The following PNKP variants were observed in gnomAD, a reference collection of about 807,000 sequenced individuals.
The protein encoded by PNKP is bifunctional polynucleotide phosphatase/kinase.
A neutral mutation model predicts 66.2 loss-of-function variants in PNKP; 82 were observed. That is an observed-to-expected ratio of 1.24 (90% CI 1.04 to 1.49). The LOEUF is 1.49. Ranked by LOEUF, PNKP falls within the 40% of genes most tolerant of loss-of-function variation. The pLI, the probability that PNKP is intolerant of heterozygous loss-of-function variation, is 0.00. For synonymous variants in PNKP, 412 were observed against 298.9 expected, an observed-to-expected ratio of 1.38 and a Z score of -3.90; for missense variants, 907 against 706.8, an observed-to-expected ratio of 1.28 and a Z score of -3.21.
chr19:49,862,397 C>T lies in PNKP; in HGVS notation c.1003G>A (p.Gly335Ser), dbSNP rs768567927. The T allele has an allele frequency of 4.2e-5, 66 of 1,559,340 alleles. No individual in the cohort carries two copies. The highest frequency in any genetic ancestry group is 1.8e-4 in the Middle Eastern group (1 of 5,666). ...GGATCAAAGGCTGGGAGCTCGAAGC[C>T]GGCTGCTGGCCACTTGAGAAAGAAC... is the stretch of plus-strand genomic sequence containing the variant. The part of the protein sequence containing the change: ...EEFFLKWPAA[G>S]FELPAFDPRT... The change falls in exon 11 of 17, where the codon GGC becomes AGC. Residue 335 changes from glycine (G) to serine (S), a missense_variant. By Grantham distance (56) the Gly-to-Ser change is moderately conservative. Transcript: ENST00000322344.
At chr19:49,861,394 G>C in intron 16 of PNKP, 29 bp from the exon 17 acceptor site, 1 of 1,613,882 alleles carries the variant, frequency 6.2e-7, no homozygotes, top group Non-Finnish European at 8.5e-7. Context: ...GTGAGGGACA[G>C]CCTGGATCAT....
At chr19:49,867,370 G>C in intron 1 of PNKP, 99 bp downstream of exon 1, 1 of 748,390 alleles carries the variant, frequency 1.3e-6, no homozygotes, top group Non-Finnish European at 2.1e-6. Context: ...CGTTTCCCAG[G>C]CGACGACGCG....
At chr19:49,864,515 A>T (rs2074803972) in intron 4 of PNKP, 112 bp from the exon 5 acceptor site, 3 of 824,712 alleles carry the variant, frequency 3.6e-6, no homozygotes, top group South Asian at 1.3e-5. Context: ...CTGCCATCTC[A>T]CAGATGGGGA....
At position 49,861,693 on chromosome 19, in the gene PNKP, T is replaced by G; in HGVS notation, c.1301A>C (p.Tyr434Ser). 1 of 1,547,444 alleles carries G rather than the reference T, an allele frequency of 6.5e-7. No individual in the cohort carries two copies. Among genetic ancestry groups the G allele is most frequent in the Non-Finnish European group, 8.7e-7 (1 of 1,146,240 alleles). ...GCCCGCGGCTCGGGCACACTGGACG[T>G]ACCTGTGGGGGAAGGAGCTGGATGT... ...TNPDAASRAR[Y>S]VQCARAAGVP... The change falls in exon 15 of 17, where the codon TAC becomes TCC. Residue 434 changes from tyrosine to serine, a missense_variant and splice_region_variant. Physicochemically the swap from Tyr to Ser is moderately radical, Grantham distance 144. Coordinates refer to ENST00000322344, the MANE Select transcript of PNKP (RefSeq NM_007254.4).
chr19:49,863,106 A>G (rs1290648), intron 8 of PNKP, among the ~76,000 whole-genome samples: 73,035 of 152,010 alleles, frequency 0.48, 18,289 homozygotes, highest in African/African-American at 0.62. Flanking sequence ...CCTCGCTTAG[A>G]GCCAGCCGCA....
chr19:49,862,635 C>T, intron 9 of PNKP, 27 bp from the exon 10 acceptor site: 1 of 1,614,008 alleles, frequency 6.2e-7, no homozygotes, highest in Non-Finnish European at 8.5e-7. Flanking sequence ...ACCCCGTTCC[C>T]ACCAGCTCGG....
rs1276413840 is a variant in PNKP, at chr19:49,867,146, G to A, written c.59C>T (p.Pro20Leu). Residue 20 changes from proline (P) to leucine (L), a missense_variant, in exon 2 of 17, where the codon CCC (proline) becomes CTC (leucine). Coordinates refer to ENST00000322344, the MANE Select transcript of PNKP (RefSeq NM_007254.4). ...CCCGTCCGAGGGCAGGAAGATGGGGGGCGCTCCCCCAGGGGGGCTCTCGAG... is the reference window on the plus strand; with the variant it reads ...CCCGTCCGAGGGCAGGAAGATGGGGAGCGCTCCCCCAGGGGGGCTCTCGAG... ...LWLESPPGGA[P>L]PIFLPSDGQA... is the part of the protein sequence containing the mutation. 1.2e-6 allele frequency: 2 copies of A among 1,612,614 alleles called. No homozygotes were observed. Among genetic ancestry groups the A allele is most frequent in the East Asian group, 2.2e-5 (1 of 44,892 alleles).
At chr19:49,863,574 G>A (rs2122332662) in intron 8 of PNKP, 115 bp downstream of exon 8, 4 of 737,940 alleles carry the variant, frequency 5.4e-6, no homozygotes, top group Non-Finnish European at 7.2e-6. Context: ...AAAACAGAAG[G>A]AGGGAGCGAG....
intron 2 of PNKP, 123 bp from the exon 3 acceptor site, chr19:49,866,568 T>G (rs2074822415): frequency 1.1e-6 from 1 of 906,694 alleles, no homozygotes; most frequent in South Asian, 1.3e-5. Flanking sequence ...TATTTCTACA[T>G]GGGATTGGCT....
chr19:49,862,297 G>A lies in PNKP; in HGVS notation c.1030-16C>T, dbSNP rs772191471. On this transcript the variant is annotated splice_polypyrimidine_tract_variant and intron_variant, in intron 11 of 16. Coordinates refer to ENST00000322344, the MANE Select transcript of PNKP (RefSeq NM_007254.4). ...AGACAGTCCTCTGCGAGGGGCGGGG[G>A]ACACGCGTGAGATGCCGTCCCCATC... 3.2e-6 allele frequency: 5 copies of A among 1,564,760 alleles called. No individual in the cohort carries two copies. Among genetic ancestry groups the A allele is most frequent in the Middle Eastern group, 1.9e-4 (1 of 5,250 alleles).
At position 49,862,179 on chromosome 19, in the gene PNKP, A is replaced by ACTT. The variant is rs1568659717; in HGVS notation, c.1126+3_1126+5dup. On this transcript the variant is annotated splice_donor_region_variant and intron_variant, in intron 12 of 16. Transcript: ENST00000322344. ...CAGGGCACGCGCACAGGAACAGGAC[A>ACTT]CTTACCCCCAGGGAATCCCACTGCG... is the stretch of plus-strand genomic sequence containing the variant. 1.9e-6 allele frequency: 3 copies of ACTT among 1,613,582 alleles called. No homozygotes were observed. The highest frequency in any genetic ancestry group is 3.3e-5 in the Admixed American group (2 of 59,978).
chr19:49,862,141 C>T (rs1390953896), intron 12 of PNKP, 36 bp from the exon 13 acceptor site: 2 of 1,613,872 alleles, frequency 1.2e-6, no homozygotes, highest in Non-Finnish European at 8.5e-7. Context: ...TGGCCTAGGA[C>T]CCAGGCGGGG....
At chr19:49,863,575 AG>A in intron 8 of PNKP, 113 bp downstream of exon 8, 1 of 738,826 alleles carries the variant, frequency 1.4e-6, no homozygotes. Flanking sequence ...AAACAGAAGG[AG>A]GGAGCGAGAG....
rs149947403 is a variant in PNKP, at chr19:49,864,290, G to A, written c.578+34C>T. The A allele has an allele frequency of 1.0e-3, 1,608 of 1,610,866 alleles. 4 individuals are homozygous for A. Among genetic ancestry groups the A allele is most frequent in the Non-Finnish European group, 1.3e-3 (1,478 of 1,177,048 alleles). ...ACCCGGGGCCAGAGGTGGACTCCAG[G>A]CCTCACTCACTCCCTTGTTTTGCCT... On this transcript the variant is annotated intron_variant, in intron 5 of 16. Transcript: ENST00000322344.
At chr19:49,866,191 G>A (rs2074818464) in intron 3 of PNKP, 2 of 620,710 alleles carry the variant, frequency 3.2e-6, no homozygotes, top group South Asian at 3.4e-5. Context: ...TAGAGAGACA[G>A]GTTTCACCAT....
rs992254619 is a variant in PNKP, at chr19:49,865,053, T to C, written c.498+74A>G. ...AGAAAAGTAAGTAGAGGCTAAAAAG[T>C]TGAGAGCACGCAACAAACGTGGGAT... On this transcript the variant is annotated intron_variant, in intron 4 of 16. Transcript: ENST00000322344. 17 of 1,316,542 alleles carry C rather than the reference T, an allele frequency of 1.3e-5. No homozygotes were observed. In the African/African-American group the frequency reaches 1.7e-4, roughly 14 times the overall value. The allele number at this position is 1,316,542 out of a possible 1,614,324, so 81.6% of individuals were successfully genotyped here. A position where few individuals can be genotyped will look rare whatever the true frequency, so the allele number is the denominator to read the frequency against.
chr19:49,864,376 G>C lies in PNKP; in HGVS notation c.526C>G (p.Leu176Val), dbSNP rs267606957. The C allele has an allele frequency of 8.7e-6, 14 of 1,614,030 alleles. No homozygotes were observed. Among genetic ancestry groups the C allele is most frequent in the Non-Finnish European group, 1.1e-5 (13 of 1,179,924 alleles). ...KVAGFDLDGT[L>V]ITTRSGKVFP... ...ACCTTCCCAGAGCGTGTGGTGATGA[G>C]CGTCCCGTCCAGATCAAAGCCAGCC... Residue 176 changes from leucine (L) to valine (V), a missense_variant, in exon 5 of 17, where the codon CTC becomes GTC. Transcript: ENST00000322344.
chr19:49,862,292 C>CG lies in PNKP; in HGVS notation c.1030-12dup. 1.3e-6 allele frequency: 2 copies of CG among 1,572,848 alleles called. No individual in the cohort carries two copies. ...GCGGGAGACAGTCCTCTGCGAGGGG[C>CG]GGGGGACACGCGTGAGATGCCGTCC... On this transcript the variant is annotated splice_polypyrimidine_tract_variant and intron_variant, in intron 11 of 16. Transcript: ENST00000322344.
intron 8 of PNKP, among the ~76,000 whole-genome samples, chr19:49,862,972 C>T (rs2074790067): frequency 1.3e-5 from 2 of 152,102 alleles, no homozygotes; most frequent in African/African-American, 4.8e-5. Flanking sequence ...TCCCGTTCCC[C>T]ACGCGGCCAC....
Sources: gnomAD v4.1 joint callset for allele counts (sites outside exome capture counted in the v4.1 genomes callset) on GRCh38, gnomAD v4.1.1 for gene constraint, MANE v1.5 for transcripts, NCBI Gene and HGNC (gene_info 2026-07-23, HGNC 2026-07-21) for gene names.